AGBL4: variants seen among roughly 807,000 people sequenced by gnomAD.
AGBL4 encodes AGBL carboxypeptidase 4.
In AGBL4, 58 loss-of-function variants were observed where a neutral mutation model predicts 66.4. The ratio of observed to expected loss-of-function variants is 0.87; its 90% CI spans 0.71 to 1.09. The LOEUF (loss-of-function observed/expected upper bound fraction) is 1.09. Ranked by LOEUF, AGBL4 falls within the 50% of genes least tolerant of loss-of-function variation. AGBL4 has a pLI of 0.00. For missense variants in AGBL4, 579 were observed against 631.0 expected (o/e 0.92, Z 0.88); for synonymous variants, 234 against 222.9 (o/e 1.05, Z -0.44).
intron 5 of AGBL4, among the ~76,000 whole-genome samples, chr1:48,989,495 T>C (rs1181659993): frequency 6.6e-6 from 1 of 152,132 alleles, no homozygotes; most frequent in Non-Finnish European, 1.5e-5. Flanking sequence ...TTATACTCAT[T>C]AACCATCCCC....
intron 2 of AGBL4, among the ~76,000 whole-genome samples, chr1:49,804,939 G>A (rs537353689): frequency 6.6e-6 from 1 of 152,280 alleles, no homozygotes; most frequent in African/African-American, 2.4e-5. Flanking sequence ...TGGGTTGAAT[G>A]GTGGCTTATC....
chr1:49,880,701 C>T (rs1483559737), intron 1 of AGBL4, among the ~76,000 whole-genome samples: 2 of 152,188 alleles, frequency 1.3e-5, no homozygotes, highest in African/African-American at 4.8e-5. Context: ...GTTTGAGCTT[C>T]CCGGCTGCTT....
chr1:48,761,090 G>A (rs1014168499), intron 6 of AGBL4: 3 of 400,776 alleles, frequency 7.5e-6, no homozygotes, highest in Non-Finnish European at 1.4e-5. Context: ...CAACAGCGAT[G>A]ACACTGCACA....
chr1:49,783,023 A>G (rs1644373140), intron 2 of AGBL4, among the ~76,000 whole-genome samples: 1 of 151,418 alleles, frequency 6.6e-6, no homozygotes, highest in Non-Finnish European at 1.5e-5. Flanking sequence ...TTTTTTCCAT[A>G]ATGTCAGTAC....
chr1:49,649,898 G>A (rs1236225003), intron 3 of AGBL4, among the ~76,000 whole-genome samples: 1 of 151,604 alleles, frequency 6.6e-6, no homozygotes, highest in Non-Finnish European at 1.5e-5. Context: ...ATAACATATA[G>A]GTAAAAAATA....
intron 2 of AGBL4, among the ~76,000 whole-genome samples, chr1:49,783,565 G>A (rs1000571527): frequency 6.6e-6 from 1 of 151,964 alleles, no homozygotes; most frequent in African/African-American, 2.4e-5. Flanking sequence ...AGTGAAAGAC[G>A]GCTACTTTTC....
At chr1:48,776,831 T>C (rs754796605) in intron 6 of AGBL4, 35 of 1,426,284 alleles carry the variant, frequency 2.5e-5, no homozygotes, top group East Asian at 7.2e-5. Context: ...AAGGCGTACA[T>C]GGTGGGCGCC....
intron 6 of AGBL4, among the ~76,000 whole-genome samples, chr1:48,811,703 C>T (rs1406988701): frequency 4.7e-5 from 1 of 21,132 alleles, no homozygotes; most frequent in Non-Finnish European, 3.3e-3. Flanking sequence ...CTCTGTCTTG[C>T]CCAACTCTGG....
intron 5 of AGBL4, among the ~76,000 whole-genome samples, chr1:48,964,772 C>A (rs1399307221): frequency 6.6e-6 from 1 of 152,124 alleles, no homozygotes; most frequent in Non-Finnish European, 1.5e-5. Context: ...ATCACAAATG[C>A]AGCACCTGCC....
chr1:48,878,191 A>C (rs1239513208), intron 5 of AGBL4, among the ~76,000 whole-genome samples: 1 of 152,158 alleles, frequency 6.6e-6, no homozygotes, highest in Non-Finnish European at 1.5e-5. Flanking sequence ...TATCATACTC[A>C]AGTAAGTGTT....
At chr1:49,121,921 C>G (rs757570044) in intron 4 of AGBL4, among the ~76,000 whole-genome samples, 1 of 152,246 alleles carries the variant, frequency 6.6e-6, no homozygotes, top group Non-Finnish European at 1.5e-5. Context: ...CAATGTCAGA[C>G]GCCCCTCCCC....
intron 3 of AGBL4, among the ~76,000 whole-genome samples, chr1:49,285,322 C>T (rs1347907264): frequency 2.6e-5 from 4 of 152,030 alleles, no homozygotes; most frequent in Middle Eastern, 3.4e-3. Context: ...TTGAAACCAA[C>T]GAGAACAAAG....
intron 4 of AGBL4, among the ~76,000 whole-genome samples, chr1:49,162,939 T>C (rs1646566217): frequency 6.6e-6 from 1 of 152,218 alleles, no homozygotes; most frequent in Admixed American, 6.5e-5. Flanking sequence ...TTCAGTAACA[T>C]GTATCAATTC....
intron 5 of AGBL4, among the ~76,000 whole-genome samples, chr1:48,936,943 A>G (rs1192109130): frequency 2.6e-5 from 4 of 152,182 alleles, no homozygotes; most frequent in Non-Finnish European, 1.5e-5. Flanking sequence ...TAACTTCAAA[A>G]TCTAGCATCT....
At chr1:49,819,083 G>A (rs756080016) in intron 2 of AGBL4, among the ~76,000 whole-genome samples, 9 of 152,090 alleles carry the variant, frequency 5.9e-5, no homozygotes, top group Non-Finnish European at 1.3e-4. Context: ...GAGAATTAGA[G>A]ATAAAGTATA....
chr1:49,338,414 G>A (rs186437522), intron 3 of AGBL4, among the ~76,000 whole-genome samples: 4 of 152,252 alleles, frequency 2.6e-5, no homozygotes, highest in East Asian at 1.9e-4. Flanking sequence ...TTCCTTCATC[G>A]TCATAAGATC....
intron 3 of AGBL4, among the ~76,000 whole-genome samples, chr1:49,617,953 C>T (rs1645280950): frequency 6.6e-6 from 1 of 152,110 alleles, no homozygotes; most frequent in South Asian, 2.1e-4. Flanking sequence ...TTGCTGAACC[C>T]ATCAACCCGT....
rs1646774005 is a variant in AGBL4, at chr1:49,685,623, T to C, written c.282+11690A>G. 2.0e-5 allele frequency among the ~76,000 whole-genome samples: 3 copies of C among 152,202 alleles called. No homozygotes were observed. The South Asian group carries it at 6.2e-4, about 31-fold the overall frequency. ...ACTGGTGTGACATGATACCTCATAG[T>C]AGTTTCAATGTGCATTTCTGTAATG... On this transcript the variant is annotated intron_variant, in intron 3 of 13. Coordinates refer to ENST00000371839, the MANE Select transcript of AGBL4 (RefSeq NM_032785.4).
intron 6 of AGBL4, among the ~76,000 whole-genome samples, chr1:48,772,773 G>A (rs1644900315): frequency 1.3e-5 from 2 of 152,218 alleles, no homozygotes; most frequent in African/African-American, 4.8e-5. Context: ...GTTTAGATAA[G>A]AGCTGATGCT....
Sources: gnomAD v4.1 joint callset for allele counts (sites outside exome capture counted in the v4.1 genomes callset) on GRCh38, gnomAD v4.1.1 for gene constraint, MANE v1.5 for transcripts, NCBI Gene and HGNC (gene_info 2026-07-23, HGNC 2026-07-21) for gene names.